The following CCT8L2 variants were observed in gnomAD, a reference collection of about 807,000 sequenced individuals.
CCT8L2 encodes the protein T-complex protein 1 subunit theta-like 2.
CCT8L2 carries 29 observed loss-of-function variants against 31.5 expected under a neutral mutation model. The ratio of observed to expected loss-of-function variants is 0.92; its 90% CI spans 0.68 to 1.25. The LOEUF is 1.25. CCT8L2 is among the 50% of genes most tolerant of loss of function. The pLI is 0.00. For synonymous variants in CCT8L2, 256 were observed against 290.1 expected (o/e 0.88, Z 1.19); for missense variants, 589 against 695.7 (o/e 0.85, Z 1.73).
Position 16,591,774 on chromosome 22 carries a change from G to A in CCT8L2, c.777C>T (p.Ala259=). ...CTAGATCAGCAGGACTAGAAAGACG[G>A]GCCGTTGCTGGTGCATTTGGATGGG... ...GPAHPNAPAT[A]RLSSPADLAQ... Residue 259 remains alanine (A), a synonymous_variant, in exon 1 of 1, where the codon GCC becomes GCT. Transcript: ENST00000359963. The A allele has an allele frequency of 6.2e-7, 1 of 1,614,162 alleles. No individual in the cohort carries two copies. The highest frequency in any genetic ancestry group is 8.5e-7 in the Non-Finnish European group (1 of 1,180,034).
Position 16,591,602 on chromosome 22 carries a change from C to G in CCT8L2, c.949G>C (p.Ala317Pro), listed in dbSNP as rs139761077. The G allele has an allele frequency of 2.5e-6, 4 of 1,614,078 alleles. No individual in the cohort carries two copies. Among genetic ancestry groups the G allele is most frequent in the Non-Finnish European group, 3.4e-6 (4 of 1,180,028 alleles). The change falls in exon 1 of 1, where the codon GCT becomes CCT. Residue 317 changes from alanine (A) to proline (P), a missense_variant. Transcript: ENST00000359963. ...TAAATGATCTCCATCCAAGACCTAGCTTGAATCACCACGATGCCATACTTG... is the reference window on the plus strand; with the variant it reads ...TAAATGATCTCCATCCAAGACCTAGGTTGAATCACCACGATGCCATACTTG... Reference protein sequence around the residue: ...ADKYGIVVIQARSWMEIIYLS... With the variant: ...ADKYGIVVIQPRSWMEIIYLS...
Position 16,592,573 on chromosome 22 carries a change from C to G in CCT8L2, c.-23G>C. ...CATGGCCCGCAGAGAGAGGAGAGGC[C>G]ACCGTGGGTTGCAGAGATGCTCTAG... On this transcript the variant is annotated 5_prime_UTR_variant, in exon 1 of 1. Coordinates refer to ENST00000359963, the MANE Select transcript of CCT8L2 (RefSeq NM_014406.5). 1 of 1,556,352 alleles carries G rather than the reference C, an allele frequency of 6.4e-7. No homozygotes were observed. The highest frequency in any genetic ancestry group is 8.7e-7 in the Non-Finnish European group (1 of 1,151,654).
chr22:16,592,251 A>C lies in CCT8L2; in HGVS notation c.300T>G (p.Asn100Lys), dbSNP rs1372940024. The change falls in exon 1 of 1, where the codon AAT (asparagine) becomes AAG (lysine). Residue 100 changes from asparagine to lysine, a missense_variant. By Grantham distance (94) the Asn-to-Lys change is moderately conservative. Transcript: ENST00000359963. Reference sequence around the variant, plus strand: ...CCACGAAGGCTGTGCCGTCCCCACTATTCTCTGCCTGGGTTTGTCCTGCTT... The same window carrying C: ...CCACGAAGGCTGTGCCGTCCCCACTCTTCTCTGCCTGGGTTTGTCCTGCTT... ...LREAGQTQAE[N>K]SGDGTAFVVL... is the part of the protein sequence containing the mutation. 6.2e-7 allele frequency: 1 copy of C among 1,614,074 alleles called. No homozygotes were observed. Among genetic ancestry groups the C allele is most frequent in the Non-Finnish European group, 8.5e-7 (1 of 1,180,048 alleles).
In CCT8L2 at chr22:16,590,985, C is replaced by T; in HGVS notation, c.1566G>A (p.Val522=). The T allele has an allele frequency of 6.2e-7, 1 of 1,613,916 alleles. No individual in the cohort carries two copies. The highest frequency in any genetic ancestry group is 2.2e-5 in the East Asian group (1 of 44,872). The change falls in exon 1 of 1, where the codon GTG becomes GTA. Residue 522 remains valine (V), a synonymous_variant. Coordinates refer to ENST00000359963, the MANE Select transcript of CCT8L2 (RefSeq NM_014406.5). ...CCTGATGTGTGGGACTTTTCTTGGC[C>T]ACTACGATTTCATCTACAGTCACGA... ...LQLVTVDEIV[V]AKKSPTHQEI...
Position 16,592,587 on chromosome 22 carries a change from G to C in CCT8L2, c.-37C>G, listed in dbSNP as rs1446421184. ...AGAGGAGAGGCCACCGTGGGTTGCAGAGATGCTCTAGAAACAGCAGCTGGG... is the reference window on the plus strand; with the variant it reads ...AGAGGAGAGGCCACCGTGGGTTGCACAGATGCTCTAGAAACAGCAGCTGGG... On this transcript the variant is annotated 5_prime_UTR_variant, in exon 1 of 1. Transcript: ENST00000359963. The C allele has an allele frequency of 2.0e-6, 3 of 1,526,780 alleles. No individual in the cohort carries two copies. The highest frequency in any genetic ancestry group is 1.4e-5 in the African/African-American group (1 of 72,442). The allele number at this position is 1,526,780 out of a possible 1,614,324, so 94.6% of individuals were successfully genotyped here.
chr22:16,591,866 A>G lies in CCT8L2; in HGVS notation c.685T>C (p.Cys229Arg), dbSNP rs762551550. ...CTTAACACTGTGGCCATTTGCCCAC[A>G]GAGCTTCCCAGATATTGCTAACCCC... ...LPGLAISGKL[C>R]GQMATVLSGA... is the part of the protein sequence containing the mutation. The change falls in exon 1 of 1, where the codon TGT becomes CGT. Residue 229 changes from cysteine (C) to arginine (R), a missense_variant. Coordinates refer to ENST00000359963, the MANE Select transcript of CCT8L2 (RefSeq NM_014406.5). 1.2e-6 allele frequency: 2 copies of G among 1,614,186 alleles called. No individual in the cohort carries two copies. The highest frequency in any genetic ancestry group is 8.5e-7 in the Non-Finnish European group (1 of 1,180,038).
rs766461455 is a variant in CCT8L2, at chr22:16,591,938, C to A, written c.613G>T (p.Val205Leu). ...DGSFKPERVG[V>L]CALPGGTLED... ...AGTGTCCCCCCGGGCAGCGCGCACA[C>A]CCCAACACGCTCAGGCTTGAAGCTG... Residue 205 changes from valine to leucine, a missense_variant, in exon 1 of 1, where the codon GTG becomes TTG. By Grantham distance (32) the Val-to-Leu change is conservative. Coordinates refer to ENST00000359963, the MANE Select transcript of CCT8L2 (RefSeq NM_014406.5). 1.9e-6 allele frequency: 3 copies of A among 1,613,982 alleles called. No homozygotes were observed. The highest frequency in any genetic ancestry group is 2.2e-5 in the East Asian group (1 of 44,880).
In CCT8L2 at chr22:16,591,557, T is replaced by C. The variant is rs1601772844; in HGVS notation, c.994A>G (p.Thr332Ala). The C allele has an allele frequency of 6.2e-7, 1 of 1,614,176 alleles. No individual in the cohort carries two copies. The highest frequency in any genetic ancestry group is 1.3e-5 in the African/African-American group (1 of 75,042). ...EIIYLSEVLD[T>A]PLLPRLLPPQ... ...GGGAGCAGACGAGGCAGCAGAGGTG[T>C]GTCCAACACCTCACTCAGGTAAATG... Residue 332 changes from threonine (T) to alanine (A), a missense_variant, in exon 1 of 1, where the codon ACA becomes GCA. Coordinates refer to ENST00000359963, the MANE Select transcript of CCT8L2 (RefSeq NM_014406.5).
rs1370923842 is a variant in CCT8L2, at chr22:16,592,506, C to T, written c.45G>A (p.Leu15=). 6.2e-7 allele frequency: 1 copy of T among 1,613,968 alleles called. No individual in the cohort carries two copies. Among genetic ancestry groups the T allele is most frequent in the Non-Finnish European group, 8.5e-7 (1 of 1,180,036 alleles). The change falls in exon 1 of 1, where the codon CTG becomes CTA. Residue 15 remains leucine (L), a synonymous_variant. Transcript: ENST00000359963. ...TCGGGCTCTCCCTTGGGTTCAGTGCCAGCCGCTGGGGCAGCTCCAGGGCTG... is the reference window on the plus strand; with the variant it reads ...TCGGGCTCTCCCTTGGGTTCAGTGCTAGCCGCTGGGGCAGCTCCAGGGCTG... The part of the protein sequence containing the change: ...VPSALELPQR[L]ALNPRESPRS...
rs754062049 is a variant in CCT8L2, at chr22:16,591,901, C to G, written c.650G>C (p.Cys217Ser). 1 of 1,613,990 alleles carries G rather than the reference C, an allele frequency of 6.2e-7. No homozygotes were observed. Among genetic ancestry groups the G allele is most frequent in the Non-Finnish European group, 8.5e-7 (1 of 1,180,016 alleles). ...AGATATTGCTAACCCCGGGAGGAGG[C>G]AGGAATCCTCCAGTGTCCCCCCGGG... is the stretch of plus-strand genomic sequence containing the variant. ...ALPGGTLEDSCLLPGLAISGK... is the reference protein window; with the variant it reads ...ALPGGTLEDSSLLPGLAISGK... The change falls in exon 1 of 1, where the codon TGC becomes TCC. Residue 217 changes from cysteine to serine, a missense_variant. Physicochemically the swap from Cys to Ser is moderately radical, Grantham distance 112. Transcript: ENST00000359963.
rs909175734 is a variant in CCT8L2 at position 16,592,491 on chromosome 22, C to T, written c.60G>A (p.Arg20=). 4 of 1,613,984 alleles carry T rather than the reference C, an allele frequency of 2.5e-6. No individual in the cohort carries two copies. In the Admixed American group the frequency reaches 5.0e-5, roughly 20 times the overall value. The change falls in exon 1 of 1, where the codon AGG becomes AGA. Residue 20 remains arginine (R), a synonymous_variant. Transcript: ENST00000359963. ...CCTCTTCTGGACTCCTCGGGCTCTC[C>T]CTTGGGTTCAGTGCCAGCCGCTGGG... is the stretch of plus-strand genomic sequence containing the variant. ...ELPQRLALNP[R]ESPRSPEEEE...
rs1042069118 is a variant in CCT8L2 at position 16,592,609 on chromosome 22, T to C, written c.-59A>G. ...GCAGAGATGCTCTAGAAACAGCAGC[T>C]GGGGCACTCCTGACACCGATCGTTG... On this transcript the variant is annotated 5_prime_UTR_variant, in exon 1 of 1. Transcript: ENST00000359963. 5 of 1,438,586 alleles carry C rather than the reference T, an allele frequency of 3.5e-6. No individual in the cohort carries two copies. Among genetic ancestry groups the C allele is most frequent in the Non-Finnish European group, 4.7e-6 (5 of 1,062,120 alleles). 89.1% of individuals were successfully genotyped at this position (1,438,586 alleles called of 1,614,324 possible). A position where few individuals can be genotyped will look rare whatever the true frequency, so the allele number is the denominator to read the frequency against.
In CCT8L2 at chr22:16,592,133, T is replaced by C; in HGVS notation, c.418A>G (p.Thr140Ala). The change falls in exon 1 of 1, where the codon ACT becomes GCT. Residue 140 changes from threonine (T) to alanine (A), a missense_variant. Physicochemically the swap from Thr to Ala is moderately conservative, Grantham distance 58. Transcript: ENST00000359963. ...PQLREAYATA[T>A]AEVLATLPSL... ...GGCAGTGTGGCCAGGACCTCTGCAG[T>C]GGCCGTGGCGTAGGCCTCCCGGAGC... is the stretch of plus-strand genomic sequence containing the variant. 6.2e-7 allele frequency: 1 copy of C among 1,614,204 alleles called. No individual in the cohort carries two copies. The highest frequency in any genetic ancestry group is 8.5e-7 in the Non-Finnish European group (1 of 1,180,040).
rs754062049 is a variant in CCT8L2 at position 16,591,901 on chromosome 22, C to A, written c.650G>T (p.Cys217Phe). Residue 217 changes from cysteine (C) to phenylalanine (F), a missense_variant, in exon 1 of 1, where the codon TGC (cysteine) becomes TTC (phenylalanine). Transcript: ENST00000359963. ...AGATATTGCTAACCCCGGGAGGAGG[C>A]AGGAATCCTCCAGTGTCCCCCCGGG... ...ALPGGTLEDS[C>F]LLPGLAISGK... 6.2e-7 allele frequency: 1 copy of A among 1,614,108 alleles called. No individual in the cohort carries two copies.
rs768424618 is a variant in CCT8L2 at position 16,592,482 on chromosome 22, C to T, written c.69G>A (p.Pro23=). The part of the protein sequence containing the change: ...QRLALNPRES[P]RSPEEEEPHL... Reference sequence around the variant, plus strand: ...GGGGCTCCTCCTCTTCTGGACTCCTCGGGCTCTCCCTTGGGTTCAGTGCCA... The same window carrying T: ...GGGGCTCCTCCTCTTCTGGACTCCTTGGGCTCTCCCTTGGGTTCAGTGCCA... The change falls in exon 1 of 1, where the codon CCG becomes CCA. Residue 23 remains proline, a synonymous_variant. Coordinates refer to ENST00000359963, the MANE Select transcript of CCT8L2 (RefSeq NM_014406.5). 4.2e-5 allele frequency: 67 copies of T among 1,614,118 alleles called. No individual in the cohort carries two copies. The African/African-American group carries it at 4.4e-4, about 11-fold the overall frequency.
In CCT8L2 at chr22:16,591,035, C is replaced by A; in HGVS notation, c.1516G>T (p.Ala506Ser). Reference protein sequence around the residue: ...TLIVKAQGFRAVAEVVLQLVT... With the variant: ...TLIVKAQGFRSVAEVVLQLVT... ...AGCTGTAGCACCACCTCAGCCACTGCTCGAAATCCTTGGGCTTTGACTATT... is the reference window on the plus strand; with the variant it reads ...AGCTGTAGCACCACCTCAGCCACTGATCGAAATCCTTGGGCTTTGACTATT... Residue 506 changes from alanine to serine, a missense_variant, in exon 1 of 1, where the codon GCA (alanine) becomes TCA (serine). Transcript: ENST00000359963. 6.2e-7 allele frequency: 1 copy of A among 1,614,026 alleles called. No homozygotes were observed. Among genetic ancestry groups the A allele is most frequent in the Non-Finnish European group, 8.5e-7 (1 of 1,179,870 alleles).
chr22:16,592,654 TGGAAGCAA>T lies in CCT8L2; in HGVS notation c.-112_-105del. 1.0e-6 allele frequency: 1 copy of T among 1,000,568 alleles called. No individual in the cohort carries two copies. The highest frequency in any genetic ancestry group is 1.5e-6 in the Non-Finnish European group (1 of 685,200). 62.0% of individuals were successfully genotyped at this position (1,000,568 alleles called of 1,614,324 possible). ...TCGTTGAAAGTACTCAAGAGGTCAG[TGGAAGCAA>T]GGAGCCAAATGCCCATTGATTGGTA... On this transcript the variant is annotated 5_prime_UTR_variant, in exon 1 of 1. An upstream open reading frame in the 5' UTR loses its in-frame stop. Coordinates refer to ENST00000359963, the MANE Select transcript of CCT8L2 (RefSeq NM_014406.5).
At position 16,591,666 on chromosome 22, in the gene CCT8L2, C is replaced by T. The variant is rs374535358; in HGVS notation, c.885G>A (p.Val295=). 14 of 1,614,126 alleles carry T rather than the reference C, an allele frequency of 8.7e-6. No homozygotes were observed. The highest frequency in any genetic ancestry group is 2.7e-5 in the African/African-American group (2 of 74,948). ...LAAAGINVAV[V]LGEVDEETLT... The stretch of plus-strand genomic sequence containing the variant: ...GGGTCTCCTCGTCGACCTCCCCCAA[C>T]ACCACTGCCACATTAATTCCTGCAG... The change falls in exon 1 of 1, where the codon GTG becomes GTA. Residue 295 remains valine (V), a synonymous_variant. Coordinates refer to ENST00000359963, the MANE Select transcript of CCT8L2 (RefSeq NM_014406.5).
chr22:16,591,473 C>A lies in CCT8L2; in HGVS notation c.1078G>T (p.Ala360Ser). 1 of 1,614,212 alleles carries A rather than the reference C, an allele frequency of 6.2e-7. No individual in the cohort carries two copies. The highest frequency in any genetic ancestry group is 1.1e-5 in the South Asian group (1 of 91,084). The change falls in exon 1 of 1, where the codon GCT (alanine) becomes TCT (serine). Residue 360 changes from alanine (A) to serine (S), a missense_variant. By Grantham distance (99) the Ala-to-Ser change is moderately conservative. Transcript: ENST00000359963. ...VYRQELGDGLAVVFEWECTGT... is the reference protein window; with the variant it reads ...VYRQELGDGLSVVFEWECTGT... ...GTACATTCCCATTCAAATACCACAG[C>A]CAAACCATCTCCCAGCTCCTGCCTG...
Sources: gnomAD v4.1 joint callset for allele counts on GRCh38, gnomAD v4.1.1 for gene constraint, MANE v1.5 for transcripts, NCBI Gene and HGNC (gene_info 2026-07-23, HGNC 2026-07-21) for gene names.